Variants in SHC3 observed in about 807,000 individuals in gnomAD.
SHC3 encodes the protein SHC-transforming protein 3.
In SHC3, 15 loss-of-function variants were observed where a neutral mutation model predicts 60.4. The observed-to-expected ratio is 0.25, with a 90% CI of 0.17 to 0.38. The LOEUF is 0.38. Among genes scored for constraint, SHC3 ranks in the 10% least tolerant of loss-of-function variants. The pLI is 1.00. For synonymous variants in SHC3, 294 were observed against 325.9 expected, an observed-to-expected ratio of 0.90 and a Z score of 1.05; for missense variants, 677 against 786.1, an observed-to-expected ratio of 0.86 and a Z score of 1.66.
chr9:89,092,103 C>A (rs1825630025), intron 2 of SHC3, among the ~76,000 whole-genome samples: 1 of 152,196 alleles, frequency 6.6e-6, no homozygotes, highest in Non-Finnish European at 1.5e-5. Context: ...TATTAGCACT[C>A]AGTGCTGCAT....
intron 1 of SHC3, among the ~76,000 whole-genome samples, chr9:89,140,036 A>G (rs1826370449): frequency 6.6e-6 from 1 of 152,224 alleles, no homozygotes; most frequent in Non-Finnish European, 1.5e-5. Context: ...AATAATTTTT[A>G]AAACTGTCAT....
chr9:89,071,513 C>A (rs1260931823), intron 4 of SHC3, among the ~76,000 whole-genome samples: 2 of 152,182 alleles, frequency 1.3e-5, no homozygotes. Context: ...TCCCACTTTA[C>A]AGGTGAGGAG....
intron 9 of SHC3, among the ~76,000 whole-genome samples, chr9:89,042,487 G>T (rs944516953): frequency 6.6e-6 from 1 of 152,190 alleles, no homozygotes; most frequent in African/African-American, 2.4e-5. Flanking sequence ...GCAGGAGCCT[G>T]GCAGGCAGAA....
At chr9:89,073,557 A>C (rs1825308405) in intron 4 of SHC3, among the ~76,000 whole-genome samples, 2 of 152,038 alleles carry the variant, frequency 1.3e-5, no homozygotes, top group Admixed American at 1.3e-4. Flanking sequence ...CCCCCCACCC[A>C]ACCTTCACAC....
chr9:89,016,511 A>C (rs1015284057), intron 11 of SHC3, among the ~76,000 whole-genome samples: 1 of 152,178 alleles, frequency 6.6e-6, no homozygotes, highest in Non-Finnish European at 1.5e-5. Flanking sequence ...ATATGTATTA[A>C]AGAAATTGAA....
At chr9:89,167,920 G>A (rs1826813390) in intron 1 of SHC3, among the ~76,000 whole-genome samples, 1 of 152,190 alleles carries the variant, frequency 6.6e-6, no homozygotes, top group South Asian at 2.1e-4. Flanking sequence ...TACATGCCCT[G>A]CTGCTGGGCT....
chr9:89,035,690 C>T (rs1173449709), intron 11 of SHC3, among the ~76,000 whole-genome samples: 1 of 151,840 alleles, frequency 6.6e-6, no homozygotes, highest in Non-Finnish European at 1.5e-5. Context: ...GGTGTGGTGG[C>T]TCACACCTGT....
intron 10 of SHC3, among the ~76,000 whole-genome samples, chr9:89,040,165 TCATCATCACTATCAACACCAC>T (rs1824656139): frequency 3.8e-4 from 6 of 15,730 alleles, no homozygotes; most frequent in East Asian, 2.0e-3. Flanking sequence ...ATCATCACCA[TCATCATCACTATCAACACCAC>T]CACCATCAGC....
chr9:89,070,288 C>T (rs754952086), intron 5 of SHC3, among the ~76,000 whole-genome samples: 4 of 152,176 alleles, frequency 2.6e-5, no homozygotes, highest in African/African-American at 4.8e-5. Context: ...TTTACCCAGA[C>T]GCATAAAAAT....
At chr9:89,114,210 T>C (rs1825990667) in intron 1 of SHC3, among the ~76,000 whole-genome samples, 1 of 152,140 alleles carries the variant, frequency 6.6e-6, no homozygotes, top group Admixed American at 6.6e-5. Context: ...AAAACCAACG[T>C]GGCAGAGTTA....
At chr9:89,064,604 G>A (rs1428340781) in intron 6 of SHC3, among the ~76,000 whole-genome samples, 2 of 152,110 alleles carry the variant, frequency 1.3e-5, no homozygotes, top group Non-Finnish European at 2.9e-5. Context: ...ACTCTCTGAG[G>A]CCTGAGCATT....
chr9:89,127,840 G>A (rs1226505971), intron 1 of SHC3, among the ~76,000 whole-genome samples: 1 of 151,626 alleles, frequency 6.6e-6, no homozygotes, highest in African/African-American at 2.4e-5. Flanking sequence ...CCTCTTTTTG[G>A]GGGTATAGGA....
chr9:89,037,596 A>G (rs923264519), intron 11 of SHC3: 2 of 701,966 alleles, frequency 2.8e-6, no homozygotes, highest in African/African-American at 3.6e-5. Context: ...ACAGCCTTAG[A>G]ACAAAATCCT....
intron 1 of SHC3, among the ~76,000 whole-genome samples, chr9:89,149,498 A>T (rs1826515263): frequency 6.6e-6 from 1 of 152,092 alleles, no homozygotes; most frequent in African/African-American, 2.4e-5. Context: ...TCTTCCTAAG[A>T]CCTTTTCACA....
intron 11 of SHC3, among the ~76,000 whole-genome samples, chr9:89,018,974 G>A (rs773554896): frequency 6.6e-6 from 1 of 150,988 alleles, no homozygotes; most frequent in Non-Finnish European, 1.5e-5. Context: ...CAGGAAAGTC[G>A]CTTGAACCTG....
At chr9:89,125,174 A>C (rs1015832599) in intron 1 of SHC3, among the ~76,000 whole-genome samples, 8 of 152,106 alleles carry the variant, frequency 5.3e-5, no homozygotes, top group Non-Finnish European at 1.2e-4. Context: ...ATCAACCAGG[A>C]GCTTGTTAAG....
intron 11 of SHC3, among the ~76,000 whole-genome samples, chr9:89,017,953 G>A (rs931015544): frequency 3.3e-5 from 5 of 152,166 alleles, no homozygotes; most frequent in South Asian, 2.1e-4. Flanking sequence ...ACTATCTCAC[G>A]CCAGTTAGAG....
intron 1 of SHC3, among the ~76,000 whole-genome samples, chr9:89,116,157 C>T (rs1199797442): frequency 2.6e-5 from 4 of 152,136 alleles, no homozygotes; most frequent in Non-Finnish European, 5.9e-5. Context: ...GTGAACCCCA[C>T]CATCAACTCC....
intron 2 of SHC3, 32 bp downstream of exon 2, chr9:89,112,524 A>C (rs1825963916): frequency 1.2e-6 from 2 of 1,600,370 alleles, no homozygotes; most frequent in Non-Finnish European, 1.7e-6. Context: ...TCAGAAGTAA[A>C]ATCACAGGAG....
Sources: allele counts gnomAD v4.1 joint callset (sites outside exome capture counted in the v4.1 genomes callset), GRCh38; gene constraint gnomAD v4.1.1; transcripts MANE v1.5; gene names NCBI Gene and HGNC (gene_info 2026-07-23, HGNC 2026-07-21).